The following CNTNAP4 variants were observed in gnomAD, a reference collection of about 807,000 sequenced individuals.
CNTNAP4 encodes contactin-associated protein-like 4.
A neutral mutation model predicts 148.4 loss-of-function variants in CNTNAP4; 98 were observed. The observed-to-expected ratio is 0.66, with a 90% CI of 0.56 to 0.78. The LOEUF (loss-of-function observed/expected upper bound fraction) is 0.78. Among genes scored for constraint, CNTNAP4 ranks in the 30% least tolerant of loss-of-function variants. The pLI is 0.00. For missense variants in CNTNAP4, 1,935 were observed against 1,565.6 expected, an observed-to-expected ratio of 1.24 and a Z score of -3.98; for synonymous variants, 730 against 565.1, an observed-to-expected ratio of 1.29 and a Z score of -4.14.
At chr16:76,413,518 A>T (rs62051224) in intron 3 of CNTNAP4, among the ~76,000 whole-genome samples, 52,582 of 150,598 alleles carry the variant, frequency 0.35, 10,819 homozygotes, top group Non-Finnish European at 0.44. Context: ...CCTGCCAATA[A>T]GACATTCTCT....
Position 76,277,440 on chromosome 16 carries a change from A to T in CNTNAP4, c.-223A>T, listed in dbSNP as rs534618531. The T allele has an allele frequency of 1.9e-6, 1 of 527,880 alleles. No homozygotes were observed. The highest frequency in any genetic ancestry group is 2.9e-5 in the South Asian group (1 of 34,856). 32.7% of individuals were successfully genotyped at this position (527,880 alleles called of 1,614,324 possible). On this transcript the variant is annotated 5_prime_UTR_variant, in exon 1 of 24. Coordinates refer to ENST00000611870, the MANE Select transcript of CNTNAP4 (RefSeq NM_033401.5). ...AGTCAGGGAGGTGTGTGTGAGAGAG[A>T]GAGAGAAAAGAGAGAGACAGAGACG...
At chr16:76,317,678 A>G in intron 2 of CNTNAP4, among the ~76,000 whole-genome samples, 1 of 152,142 alleles carries the variant, frequency 6.6e-6, no homozygotes, top group African/African-American at 2.4e-5. Flanking sequence ...GCTTGAGCAC[A>G]CTGAACATTG....
intron 3 of CNTNAP4, among the ~76,000 whole-genome samples, chr16:76,404,289 A>G (rs7191599): frequency 0.4 from 61,316 of 151,830 alleles, 12,558 homozygotes; most frequent in Middle Eastern, 0.5. Flanking sequence ...TAAAAAATAA[A>G]AGACATAACA....
intron 3 of CNTNAP4, among the ~76,000 whole-genome samples, chr16:76,376,924 T>C (rs1465318563): frequency 1.4e-5 from 2 of 144,122 alleles, no homozygotes; most frequent in Non-Finnish European, 3.0e-5. Flanking sequence ...TGTGTGTGTG[T>C]GTGTGTGTGT....
At chr16:76,357,956 A>G (rs960827014) in intron 3 of CNTNAP4, among the ~76,000 whole-genome samples, 7 of 152,292 alleles carry the variant, frequency 4.6e-5, no homozygotes, top group African/African-American at 1.7e-4. Context: ...AGGACCAATA[A>G]ATGAATGGAT....
At chr16:76,405,053 A>T (rs753630586) in intron 3 of CNTNAP4, among the ~76,000 whole-genome samples, 1 of 152,152 alleles carries the variant, frequency 6.6e-6, no homozygotes, top group Non-Finnish European at 1.5e-5. Flanking sequence ...CAAATGTATG[A>T]TAAATGCATG....
intron 3 of CNTNAP4, among the ~76,000 whole-genome samples, chr16:76,377,196 C>T (rs2015508396): frequency 6.6e-6 from 1 of 151,962 alleles, no homozygotes; most frequent in Admixed American, 6.6e-5. Context: ...ATGAGGCCCA[C>T]CCATACTATG....
At chr16:76,355,541 T>C (rs1281860973) in intron 3 of CNTNAP4, 30 bp downstream of exon 3, 3 of 1,539,914 alleles carry the variant, frequency 1.9e-6, no homozygotes, top group African/African-American at 2.8e-5. Context: ...ACATAGTCTC[T>C]CGGGGAAAAA....
intron 19 of CNTNAP4, among the ~76,000 whole-genome samples, chr16:76,538,859 A>C (rs2144273485): frequency 6.6e-6 from 1 of 152,186 alleles, no homozygotes; most frequent in Non-Finnish European, 1.5e-5. Context: ...AATGTAGATT[A>C]GGAAATGTGT....
At chr16:76,278,080 T>C (rs1195408832) in intron 1 of CNTNAP4, among the ~76,000 whole-genome samples, 1 of 152,230 alleles carries the variant, frequency 6.6e-6, no homozygotes, top group Non-Finnish European at 1.5e-5. Context: ...TCATTTCTTC[T>C]TTTTTAAAGA....
At chr16:76,357,878 C>G (rs1037607597) in intron 3 of CNTNAP4, among the ~76,000 whole-genome samples, 12 of 152,000 alleles carry the variant, frequency 7.9e-5, no homozygotes, top group African/African-American at 2.7e-4. Context: ...TTTTCTTTTT[C>G]TAGTCTTAGC....
chr16:76,446,774 AAG>A (rs1473097102), intron 4 of CNTNAP4, among the ~76,000 whole-genome samples: 3 of 152,184 alleles, frequency 2.0e-5, no homozygotes, highest in African/African-American at 7.2e-5. Flanking sequence ...ATGTGTACTC[AAG>A]GCGGCATTTG....
intron 8 of CNTNAP4, among the ~76,000 whole-genome samples, chr16:76,454,980 A>C (rs1050073334): frequency 1.3e-5 from 2 of 152,228 alleles, no homozygotes; most frequent in Non-Finnish European, 2.9e-5. Flanking sequence ...TGAATTGTGC[A>C]AATGCTTGAA....
chr16:76,481,774 G>C (rs767833052), intron 12 of CNTNAP4, among the ~76,000 whole-genome samples: 4 of 152,194 alleles, frequency 2.6e-5, no homozygotes, highest in Non-Finnish European at 5.9e-5. Context: ...CTTTCGGGCA[G>C]AGGAAACAGA....
intron 2 of CNTNAP4, among the ~76,000 whole-genome samples, chr16:76,321,685 A>G (rs930753139): frequency 6.7e-6 from 1 of 149,568 alleles, no homozygotes; most frequent in East Asian, 2.0e-4. Flanking sequence ...GCTACTCAGG[A>G]GGCTGGGGCA....
At chr16:76,524,151 C>G (rs1015573781) in intron 17 of CNTNAP4, among the ~76,000 whole-genome samples, 3 of 152,044 alleles carry the variant, frequency 2.0e-5, no homozygotes, top group African/African-American at 7.2e-5. Flanking sequence ...TTATTATTTC[C>G]TTTACTCAAA....
In CNTNAP4 at chr16:76,522,232, A is replaced by G. The variant is rs768070620; in HGVS notation, c.2730A>G (p.Leu910=). ...QPAPADGHVL[L]QLNSQLFVGG... ...CCCCCGCTGATGGGCATGTCCTGTT[A>G]CAGCTCAACAGTCAGCTCTTCGTGG... Residue 910 remains leucine, a synonymous_variant, in exon 17 of 24, where the codon TTA becomes TTG. Transcript: ENST00000611870. 1.2e-5 allele frequency: 20 copies of G among 1,613,928 alleles called. No individual in the cohort carries two copies. The highest frequency in any genetic ancestry group is 1.6e-5 in the Non-Finnish European group (19 of 1,179,874).
intron 3 of CNTNAP4, among the ~76,000 whole-genome samples, chr16:76,361,045 G>A (rs1410229416): frequency 2.0e-5 from 3 of 151,440 alleles, no homozygotes; most frequent in African/African-American, 7.3e-5. Context: ...GGATGGCCTC[G>A]ATTTGCTGAC....
At chr16:76,489,117 G>A (rs140181281) in intron 12 of CNTNAP4, among the ~76,000 whole-genome samples, 1 of 151,932 alleles carries the variant, frequency 6.6e-6, no homozygotes, top group African/African-American at 2.4e-5. Flanking sequence ...GTATATAGAG[G>A]GCTACAAAAT....
Sources: allele counts gnomAD v4.1 joint callset (sites outside exome capture counted in the v4.1 genomes callset), GRCh38; gene constraint gnomAD v4.1.1; transcripts MANE v1.5; gene names NCBI Gene and HGNC (gene_info 2026-07-23, HGNC 2026-07-21).